TM6SF1: variants seen among roughly 807,000 people sequenced by gnomAD.
TM6SF1 encodes transmembrane 6 superfamily member 1.
In TM6SF1, 43 loss-of-function variants were observed where a neutral mutation model predicts 47.1. The ratio of observed to expected loss-of-function variants is 0.91; its 90% CI spans 0.72 to 1.18. TM6SF1 has a LOEUF of 1.18. Ranked by LOEUF, TM6SF1 falls within the 50% of genes most tolerant of loss-of-function variation. The probability of loss-of-function intolerance (pLI) is 0.00; values close to 1 mark genes in which losing one functional copy is unlikely to be tolerated. For synonymous variants in TM6SF1, 177 were observed against 166.3 expected (o/e 1.06, Z -0.49); for missense variants, 390 against 449.0 (o/e 0.87, Z 1.19).
chr15:83,115,991 C>G, intron 3 of TM6SF1, 49 bp downstream of exon 3: 1 of 1,378,312 alleles, frequency 7.3e-7, no homozygotes, highest in South Asian at 1.2e-5. Flanking sequence ...AGGCCACAAC[C>G]CAGATCACAT....
intron 2 of TM6SF1, 75 bp downstream of exon 2, chr15:83,112,975 C>T: frequency 8.0e-7 from 1 of 1,256,336 alleles, no homozygotes; most frequent in Non-Finnish European, 1.2e-6. Flanking sequence ...ACATATTCCT[C>T]CTTGGTTGTG....
intron 5 of TM6SF1, 60 bp downstream of exon 5, chr15:83,122,063 A>T (rs1241378717): frequency 1.5e-6 from 2 of 1,304,946 alleles, no homozygotes; most frequent in East Asian, 4.6e-5. Context: ...CTTGTTTTTA[A>T]ATAGAGAAGC....
intron 3 of TM6SF1, 47 bp downstream of exon 3, chr15:83,115,989 A>T (rs201444206): frequency 1.4e-6 from 2 of 1,385,440 alleles, no homozygotes; most frequent in Admixed American, 1.7e-5. Context: ...AAAGGCCACA[A>T]CCCAGATCAC....
chr15:83,113,336 T>C, intron 2 of TM6SF1: 1 of 184,636 alleles, frequency 5.4e-6, no homozygotes, highest in Non-Finnish European at 1.2e-5. Context: ...CAAGCACCTA[T>C]AGTGCACCTT....
intron 9 of TM6SF1, chr15:83,132,906 C>T (rs1015869185): frequency 6.6e-6 from 1 of 152,184 alleles, no homozygotes; most frequent in African/African-American, 2.4e-5. Flanking sequence ...TGGAGACACT[C>T]ACAGTAAAAA....
chr15:83,116,791 A>G (rs1419579212), intron 3 of TM6SF1, among the ~76,000 whole-genome samples: 2 of 152,196 alleles, frequency 1.3e-5, no homozygotes, highest in Non-Finnish European at 2.9e-5. Context: ...GCTGGAATGA[A>G]TAAGACTTGG....
intron 4 of TM6SF1, 80 bp downstream of exon 4, chr15:83,119,761 G>A (rs1596489572): frequency 1.3e-6 from 2 of 1,593,942 alleles, no homozygotes; most frequent in East Asian, 2.2e-5. Context: ...TATGCATAGA[G>A]GCAAATACAC....
At chr15:83,119,766 A>T in intron 4 of TM6SF1, 85 bp downstream of exon 4, 1 of 1,588,898 alleles carries the variant, frequency 6.3e-7, no homozygotes. Context: ...ATAGAGGCAA[A>T]TACACAAGCA....
chr15:83,118,891 A>G (rs978370652), intron 3 of TM6SF1, among the ~76,000 whole-genome samples: 2 of 152,196 alleles, frequency 1.3e-5, no homozygotes, highest in Admixed American at 6.5e-5. Flanking sequence ...TCTTGTGTTC[A>G]TAACATTAAC....
Position 83,136,469 on chromosome 15 carries a change from T to C in TM6SF1, c.922-12T>C, listed in dbSNP as rs745352496. ...TCATGCTTACTCAATTTTTTTTTTT[T>C]AAATGCAACAGGCTCAGTTTTCTCA... On this transcript the variant is annotated splice_polypyrimidine_tract_variant and intron_variant, in intron 9 of 9. Coordinates refer to ENST00000322019, the MANE Select transcript of TM6SF1 (RefSeq NM_023003.5). 4 of 1,562,254 alleles carry C rather than the reference T, an allele frequency of 2.6e-6. No homozygotes were observed. Among genetic ancestry groups the C allele is most frequent in the African/African-American group, 1.4e-5 (1 of 72,320 alleles).
chr15:83,108,666 G>C (rs547110485), intron 1 of TM6SF1, among the ~76,000 whole-genome samples: 2 of 152,224 alleles, frequency 1.3e-5, no homozygotes, highest in Non-Finnish European at 2.9e-5. Flanking sequence ...GTTGGTTGCT[G>C]TCTGGAGGGA....
chr15:83,112,851 G>A lies in TM6SF1; in HGVS notation c.147G>A (p.Leu49=). ...TCATCCTGTTCCTGGTAGCACTGCT[G>A]GCTCGTGTCCTCGTCAAAAGAAAAC... ...AALILFLVAL[L]ARVLVKRKPP... The change falls in exon 2 of 10, where the codon CTG becomes CTA. Residue 49 remains leucine (L), a synonymous_variant. Coordinates refer to ENST00000322019, the MANE Select transcript of TM6SF1 (RefSeq NM_023003.5). The A allele has an allele frequency of 6.2e-7, 1 of 1,614,134 alleles. No individual in the cohort carries two copies. Among genetic ancestry groups the A allele is most frequent in the Non-Finnish European group, 8.5e-7 (1 of 1,179,996 alleles).
chr15:83,112,787 G>C lies in TM6SF1; in HGVS notation c.93-10G>C. 6.2e-7 allele frequency: 1 copy of C among 1,604,242 alleles called. No individual in the cohort carries two copies. The highest frequency in any genetic ancestry group is 8.5e-7 in the Non-Finnish European group (1 of 1,170,964). Reference sequence around the variant, plus strand: ...TGATAGTGACCACCTCCCTGTTCTGGTCGTTGCAGTTCCTGGACTATTGTA... The same window carrying C: ...TGATAGTGACCACCTCCCTGTTCTGCTCGTTGCAGTTCCTGGACTATTGTA... On this transcript the variant is annotated splice_polypyrimidine_tract_variant and intron_variant, in intron 1 of 9. Transcript: ENST00000322019.
At position 83,124,784 on chromosome 15, in the gene TM6SF1, T is replaced by C. The variant is rs1297091890; in HGVS notation, c.708+8T>C. 9 of 1,593,146 alleles carry C rather than the reference T, an allele frequency of 5.6e-6. No individual in the cohort carries two copies. Among genetic ancestry groups the C allele is most frequent in the Admixed American group, 1.7e-5 (1 of 59,850 alleles). Reference sequence around the variant, plus strand: ...TGCCTGTTCAGAGGTTTGGTAAGCATAACAGATCATAATAACGTAACATTG... The same window carrying C: ...TGCCTGTTCAGAGGTTTGGTAAGCACAACAGATCATAATAACGTAACATTG... On this transcript the variant is annotated splice_region_variant and intron_variant, in intron 7 of 9. Transcript: ENST00000322019.
At chr15:83,126,982 G>T in intron 8 of TM6SF1, 135 bp downstream of exon 8, 2 of 666,218 alleles carry the variant, frequency 3.0e-6, no homozygotes, top group Non-Finnish European at 5.0e-6. Context: ...CACGAGGTCA[G>T]GAGTTTGAAA....
Position 83,124,659 on chromosome 15 carries a change from A to C in TM6SF1, c.604-13A>C. ...ACTTTGGGCCTGCTCTTTAGGTACA[A>C]ACTCTATTTTAGGTTATTCAAGAAG... On this transcript the variant is annotated splice_polypyrimidine_tract_variant and intron_variant, in intron 6 of 9. Coordinates refer to ENST00000322019, the MANE Select transcript of TM6SF1 (RefSeq NM_023003.5). 1.2e-6 allele frequency: 2 copies of C among 1,610,582 alleles called. No homozygotes were observed. The highest frequency in any genetic ancestry group is 1.1e-5 in the South Asian group (1 of 90,878).
rs768470623 is a variant in TM6SF1, at chr15:83,119,672, T to C, written c.389T>C (p.Ile130Thr). The change falls in exon 4 of 10, where the codon ATA becomes ACA. Residue 130 changes from isoleucine to threonine, a missense_variant. Ile to Thr is a moderately conservative substitution (Grantham distance 89). Transcript: ENST00000322019. Reference sequence around the variant, plus strand: ...ATGTACCTGGTGATGGTGGCAGCCATAGCATGGGAGTAAGTCAGTTCACCT... The same window carrying C: ...ATGTACCTGGTGATGGTGGCAGCCACAGCATGGGAGTAAGTCAGTTCACCT... ...YLMYLVMVAA[I>T]AWEETYRTIG... 3.1e-6 allele frequency: 5 copies of C among 1,614,138 alleles called. No homozygotes were observed. The highest frequency in any genetic ancestry group is 3.4e-6 in the Non-Finnish European group (4 of 1,179,982).
chr15:83,117,959 C>T (rs897319918), intron 3 of TM6SF1, among the ~76,000 whole-genome samples: 1 of 151,962 alleles, frequency 6.6e-6, no homozygotes, highest in South Asian at 2.1e-4. Flanking sequence ...GGGGTGACAT[C>T]GTAGCAATAA....
At chr15:83,126,363 T>C (rs2035752325) in intron 7 of TM6SF1, among the ~76,000 whole-genome samples, 1 of 152,186 alleles carries the variant, frequency 6.6e-6, no homozygotes. Flanking sequence ...TATTTTCAAA[T>C]CTTGCAATGC....
Sources: gnomAD v4.1 joint callset for allele counts (sites outside exome capture counted in the v4.1 genomes callset) on GRCh38, gnomAD v4.1.1 for gene constraint, MANE v1.5 for transcripts, NCBI Gene and HGNC (gene_info 2026-07-23, HGNC 2026-07-21) for gene names.